The following LRGUK variants were observed in gnomAD, a reference collection of about 807,000 sequenced individuals.
LRGUK encodes leucine rich repeats and guanylate kinase domain containing.
A neutral mutation model predicts 76.0 loss-of-function variants in LRGUK; 65 were observed. That is an observed-to-expected ratio of 0.85 (90% confidence interval 0.70 to 1.05). The LOEUF (loss-of-function observed/expected upper bound fraction) is 1.05, where lower values mean the gene tolerates loss of function less well. LRGUK is among the 50% of genes least tolerant of loss of function. The pLI is 0.00. For synonymous variants in LRGUK, 268 were observed against 265.6 expected (o/e 1.01, Z -0.09); for missense variants, 758 against 732.8 (o/e 1.03, Z -0.40).
chr7:134,258,163 A>G, intron 18 of LRGUK, 94 bp from the exon 19 acceptor site: 3 of 1,478,262 alleles, frequency 2.0e-6, no homozygotes, highest in African/African-American at 2.8e-5. Flanking sequence ...AACTTGATAA[A>G]GGTAACCCAG....
chr7:134,196,712 T>G (rs1585535451), intron 12 of LRGUK, among the ~76,000 whole-genome samples: 1 of 152,166 alleles, frequency 6.6e-6, no homozygotes, highest in South Asian at 2.1e-4. Context: ...AACAAAATAG[T>G]CTATTTTACC....
intron 15 of LRGUK, among the ~76,000 whole-genome samples, chr7:134,216,620 A>G (rs1231536582): frequency 6.6e-6 from 1 of 152,176 alleles, no homozygotes; most frequent in East Asian, 1.9e-4. Flanking sequence ...TTCATTATTG[A>G]TAAAATCAAG....
intron 1 of LRGUK, among the ~76,000 whole-genome samples, chr7:134,135,242 A>G (rs1405080258): frequency 6.6e-6 from 1 of 152,162 alleles, no homozygotes; most frequent in Non-Finnish European, 1.5e-5. Context: ...TCCCTTAGAA[A>G]AACAGATGCG....
At chr7:134,247,740 TC>T in intron 17 of LRGUK, 96 bp downstream of exon 17, 1 of 864,058 alleles carries the variant, frequency 1.2e-6, no homozygotes, top group Non-Finnish European at 1.8e-6. Flanking sequence ...GAGACCTCTG[TC>T]CTAAAATGGA....
At chr7:134,142,776 G>T (rs992555325) in intron 3 of LRGUK, among the ~76,000 whole-genome samples, 1 of 152,226 alleles carries the variant, frequency 6.6e-6, no homozygotes, top group East Asian at 1.9e-4. Context: ...CGGGCATGCG[G>T]AAGAGGCCGC....
At chr7:134,135,906 T>C (rs1050506630) in intron 1 of LRGUK, among the ~76,000 whole-genome samples, 4 of 152,336 alleles carry the variant, frequency 2.6e-5, no homozygotes, top group South Asian at 2.1e-4. Context: ...ACCGCCCACC[T>C]TGGCCTCCCA....
At chr7:134,201,431 C>T (rs960129154) in intron 14 of LRGUK, 50 bp from the exon 15 acceptor site, 29 of 1,356,222 alleles carry the variant, frequency 2.1e-5, no homozygotes, top group Non-Finnish European at 2.7e-5. Flanking sequence ...TGAACATCAA[C>T]TGTATTGGAT....
intron 14 of LRGUK, among the ~76,000 whole-genome samples, chr7:134,199,982 T>TTATATATATATA (rs71172442): frequency 5.2e-5 from 2 of 38,412 alleles, no homozygotes; most frequent in Non-Finnish European, 5.0e-5. Context: ...CTAGAAACTT[T>TTATATATATATA]TATATATATA....
chr7:134,152,547 C>T (rs6953590), intron 5 of LRGUK, among the ~76,000 whole-genome samples: 115,324 of 152,020 alleles, frequency 0.76, 44,479 homozygotes, highest in African/African-American at 0.89. Context: ...TATTGTATTA[C>T]ATCCATTCAA....
chr7:134,161,061 C>T (rs374492318), intron 6 of LRGUK, among the ~76,000 whole-genome samples: 240 of 152,218 alleles, frequency 1.6e-3, no homozygotes, highest in Middle Eastern at 0.01. Flanking sequence ...ATGTCATCTA[C>T]CACTTTGAAA....
chr7:134,212,575 T>G (rs1801315401), downstream of LRGUK, among the ~76,000 whole-genome samples: 1 of 152,252 alleles, frequency 6.6e-6, no homozygotes, highest in African/African-American at 2.4e-5. Context: ...GCTTATATAA[T>G]GCCAGTAATT....
At chr7:134,232,639 G>C (rs1801930224) in intron 16 of LRGUK, among the ~76,000 whole-genome samples, 1 of 152,080 alleles carries the variant, frequency 6.6e-6, no homozygotes, top group Non-Finnish European at 1.5e-5. Context: ...ATTTGTCTTT[G>C]TTAGGAAGAA....
chr7:134,183,995 A>G, intron 11 of LRGUK, 142 bp downstream of exon 11: 1 of 1,115,870 alleles, frequency 9.0e-7, no homozygotes, highest in Non-Finnish European at 1.3e-6. Flanking sequence ...ACAACTTAAT[A>G]TTTAAGTTAC....
chr7:134,193,896 T>G (rs1275598459), intron 12 of LRGUK, among the ~76,000 whole-genome samples: 4 of 152,150 alleles, frequency 2.6e-5, no homozygotes, highest in Non-Finnish European at 5.9e-5. Flanking sequence ...CTTTCTGCTC[T>G]GACACGTACA....
the LRGUK span, among the ~76,000 whole-genome samples, chr7:134,274,331 A>T: frequency 6.6e-6 from 1 of 152,194 alleles, no homozygotes; most frequent in Non-Finnish European, 1.5e-5. Flanking sequence ...GTTTTGGTGA[A>T]TTACAATAAA....
At chr7:134,136,311 A>G (rs1415028130) in intron 1 of LRGUK, among the ~76,000 whole-genome samples, 1 of 152,188 alleles carries the variant, frequency 6.6e-6, no homozygotes, top group Admixed American at 6.5e-5. Flanking sequence ...CTCCTTATGG[A>G]AATGATCATC....
chr7:134,161,165 C>T (rs1798714460), intron 6 of LRGUK, among the ~76,000 whole-genome samples: 1 of 152,140 alleles, frequency 6.6e-6, no homozygotes, highest in Non-Finnish European at 1.5e-5. Context: ...AGAAGAATTA[C>T]AGTCTATCTA....
chr7:134,138,965 T>C (rs1797646276), intron 2 of LRGUK, among the ~76,000 whole-genome samples: 1 of 151,210 alleles, frequency 6.6e-6, no homozygotes, highest in Admixed American at 6.6e-5. Context: ...GATGAGATTA[T>C]TGTGAAAGAG....
intron 3 of LRGUK, 137 bp from the exon 4 acceptor site, chr7:134,142,925 C>G: frequency 1.8e-6 from 1 of 542,064 alleles, no homozygotes; most frequent in Non-Finnish European, 3.3e-6. Flanking sequence ...TTATTCCTTT[C>G]ACTCATATGG....
Sources: gnomAD v4.1 joint callset for allele counts (sites outside exome capture counted in the v4.1 genomes callset) on GRCh38, gnomAD v4.1.1 for gene constraint, MANE v1.5 for transcripts, NCBI Gene and HGNC (gene_info 2026-07-23, HGNC 2026-07-21) for gene names.